The following TMEM132D variants were observed in gnomAD, a reference collection of about 807,000 sequenced individuals.
The protein encoded by TMEM132D is mature OL transmembrane protein.
TMEM132D carries 21 observed loss-of-function variants against 62.3 expected under a neutral mutation model. The observed-to-expected ratio is 0.34, with a 90% CI of 0.24 to 0.49. The LOEUF (loss-of-function observed/expected upper bound fraction) is 0.49, where lower values mean the gene tolerates loss of function less well. Among genes scored for constraint, TMEM132D ranks in the 20% least tolerant of loss-of-function variants. TMEM132D has a pLI of 0.99. For missense variants in TMEM132D, 1,346 were observed against 1,402.8 expected, an observed-to-expected ratio of 0.96 and a Z score of 0.65; for synonymous variants, 621 against 575.6, an observed-to-expected ratio of 1.08 and a Z score of -1.13.
chr12:129,180,602 G>A (rs1878038034), intron 5 of TMEM132D, among the ~76,000 whole-genome samples: 2 of 152,214 alleles, frequency 1.3e-5, no homozygotes, highest in Non-Finnish European at 2.9e-5. Flanking sequence ...TTGTGAAGGA[G>A]ATTATGGGGT....
In TMEM132D at chr12:129,610,185, T is replaced by C. The variant is rs530166874; in HGVS notation, c.969-78980A>G. Among the ~76,000 whole-genome samples, 49 of 149,282 alleles carry C rather than the reference T, an allele frequency of 3.3e-4. 1 individual carries two copies. In the South Asian group the frequency reaches 8.6e-3, roughly 26 times the overall value. On this transcript the variant is annotated intron_variant, in intron 2 of 8. Coordinates refer to ENST00000422113, the MANE Select transcript of TMEM132D (RefSeq NM_133448.3). ...ACTTCAGGAGGCTGAGGCAGGAGAA[T>C]AGAATTGCTTGAACCTGGGAGGCAG...
chr12:129,193,306 A>C (rs1291010297), intron 5 of TMEM132D, among the ~76,000 whole-genome samples: 2 of 152,108 alleles, frequency 1.3e-5, no homozygotes, highest in Non-Finnish European at 2.9e-5. Flanking sequence ...AGCTGTTGCC[A>C]ATATGTTTTC....
chr12:129,524,294 A>G lies in TMEM132D; in HGVS notation c.1115+6765T>C, dbSNP rs560925538. Reference sequence around the variant, plus strand: ...AAAGAAACAGCCATGTCCTTATGCCATCTATACCTGTATTAACTCAGTATT... The same window carrying G: ...AAAGAAACAGCCATGTCCTTATGCCGTCTATACCTGTATTAACTCAGTATT... On this transcript the variant is annotated intron_variant, in intron 3 of 8. Transcript: ENST00000422113. 2.0e-4 allele frequency among the ~76,000 whole-genome samples: 31 copies of G among 152,338 alleles called. No individual in the cohort carries two copies. The South Asian group carries it at 6.2e-3, about 31-fold the overall frequency.
chr12:129,200,649 C>A (rs1356136098), intron 5 of TMEM132D, among the ~76,000 whole-genome samples: 2 of 152,302 alleles, frequency 1.3e-5, no homozygotes, highest in East Asian at 3.9e-4. Context: ...CTCCTGGGGG[C>A]TGTCCCTGTG....
intron 3 of TMEM132D, among the ~76,000 whole-genome samples, chr12:129,442,614 C>A (rs1872973095): frequency 8.2e-6 from 1 of 122,064 alleles, no homozygotes; most frequent in African/African-American, 3.9e-5. Flanking sequence ...AGTGGTATGA[C>A]CAGCATGGTC....
intron 3 of TMEM132D, among the ~76,000 whole-genome samples, chr12:129,463,521 C>A (rs1873759940): frequency 1.3e-5 from 2 of 151,302 alleles, no homozygotes; most frequent in South Asian, 4.2e-4. Context: ...ATGTGCACAA[C>A]ATGCAGGTTT....
At chr12:129,260,899 T>C (rs913189183) in intron 4 of TMEM132D, among the ~76,000 whole-genome samples, 4 of 152,256 alleles carry the variant, frequency 2.6e-5, no homozygotes, top group African/African-American at 9.6e-5. Flanking sequence ...CCACATTTTC[T>C]TTATCCACTT....
chr12:129,144,709 C>T (rs1057438784), intron 5 of TMEM132D, among the ~76,000 whole-genome samples: 5 of 152,048 alleles, frequency 3.3e-5, no homozygotes, highest in African/African-American at 4.8e-5. Flanking sequence ...ATCTATCTAG[C>T]GACCTACCTA....
intron 5 of TMEM132D, among the ~76,000 whole-genome samples, chr12:129,093,523 T>G (rs1401364807): frequency 4.6e-5 from 7 of 151,922 alleles, no homozygotes; most frequent in South Asian, 4.2e-4. Context: ...CACTGCTCAA[T>G]GAAATAAAAG....
chr12:129,618,749 A>G (rs1219035044), intron 2 of TMEM132D, among the ~76,000 whole-genome samples: 1 of 152,190 alleles, frequency 6.6e-6, no homozygotes, highest in Non-Finnish European at 1.5e-5. Flanking sequence ...AAATTAGGAC[A>G]TTTATTTTGC....
rs183426340 is a variant in TMEM132D at position 129,511,301 on chromosome 12, T to A, written c.1115+19758A>T. Reference sequence around the variant, plus strand: ...ACAGTACAGTACATTATCATTTGTGTCTGGCTTCTTTCAGTCAGCCCCAAT... The same window carrying A: ...ACAGTACAGTACATTATCATTTGTGACTGGCTTCTTTCAGTCAGCCCCAAT... On this transcript the variant is annotated intron_variant, in intron 3 of 8. Coordinates refer to ENST00000422113, the MANE Select transcript of TMEM132D (RefSeq NM_133448.3). Among the ~76,000 whole-genome samples the A allele has an allele frequency of 2.5e-3, 381 of 152,336 alleles. 3 individuals carry two copies. The highest frequency in any genetic ancestry group is 8.9e-3 in the African/African-American group (368 of 41,578).
At chr12:129,273,803 T>C (rs1457370414) in intron 4 of TMEM132D, among the ~76,000 whole-genome samples, 1 of 151,712 alleles carries the variant, frequency 6.6e-6, no homozygotes, top group East Asian at 1.9e-4. Flanking sequence ...GTCTATTGGG[T>C]GCTGTGCTCA....
intron 2 of TMEM132D, among the ~76,000 whole-genome samples, chr12:129,543,148 C>G (rs1333259881): frequency 9.6e-6 from 1 of 103,736 alleles, no homozygotes; most frequent in African/African-American, 3.8e-5. Flanking sequence ...GACAGCTGGA[C>G]AGATGGATGA....
intron 4 of TMEM132D, among the ~76,000 whole-genome samples, chr12:129,226,193 G>C (rs992419169): frequency 1.3e-5 from 2 of 152,210 alleles, no homozygotes; most frequent in Non-Finnish European, 2.9e-5. Context: ...TGAAGCATTG[G>C]AGGCTTGCGA....
intron 4 of TMEM132D, among the ~76,000 whole-genome samples, chr12:129,310,294 G>A (rs1421759740): frequency 1.3e-5 from 2 of 150,372 alleles, no homozygotes; most frequent in Non-Finnish European, 1.5e-5. Flanking sequence ...GAAAACAGAA[G>A]GGCATTGTGA....
At chr12:129,860,282 A>G (rs917204394) in intron 1 of TMEM132D, among the ~76,000 whole-genome samples, 1 of 152,378 alleles carries the variant, frequency 6.6e-6, no homozygotes, top group Non-Finnish European at 1.5e-5. Flanking sequence ...CGACAAGTCC[A>G]CTGAAATGTC....
At chr12:129,627,833 A>C (rs1879260002) in intron 2 of TMEM132D, among the ~76,000 whole-genome samples, 1 of 152,106 alleles carries the variant, frequency 6.6e-6, no homozygotes, top group African/African-American at 2.4e-5. Flanking sequence ...AGAAAATAAA[A>C]AAAATTAGCC....
At chr12:129,611,122 CTTCT>C (rs780756625) in intron 2 of TMEM132D, among the ~76,000 whole-genome samples, 31 of 152,250 alleles carry the variant, frequency 2.0e-4, no homozygotes, top group Non-Finnish European at 2.9e-4. Flanking sequence ...TTTTTCTTCC[CTTCT>C]TTATTTTTAT....
intron 4 of TMEM132D, among the ~76,000 whole-genome samples, chr12:129,224,881 C>T (rs1879440450): frequency 1.3e-5 from 2 of 152,198 alleles, no homozygotes; most frequent in East Asian, 1.9e-4. Flanking sequence ...TTTAATTATC[C>T]TAAGCAAACT....
Sources: gnomAD v4.1 joint callset for allele counts (sites outside exome capture counted in the v4.1 genomes callset) on GRCh38, gnomAD v4.1.1 for gene constraint, MANE v1.5 for transcripts, NCBI Gene and HGNC (gene_info 2026-07-23, HGNC 2026-07-21) for gene names.